Variants in SMAP1 observed in about 807,000 individuals in gnomAD.
The protein encoded by SMAP1 is stromal membrane-associated protein 1.
A neutral mutation model predicts 58.5 loss-of-function variants in SMAP1; 24 were observed. The observed-to-expected ratio is 0.41, with a 90% CI of 0.30 to 0.58. SMAP1 has a LOEUF of 0.58. Among genes scored for constraint, SMAP1 ranks in the 20% least tolerant of loss-of-function variants. SMAP1 has a pLI of 0.29. For synonymous variants in SMAP1, 216 were observed against 196.6 expected (o/e 1.10, Z -0.82); for missense variants, 563 against 566.3 (o/e 0.99, Z 0.06).
At chr6:70,792,706 A>G (rs1768418238) in intron 5 of SMAP1, among the ~76,000 whole-genome samples, 2 of 152,110 alleles carry the variant, frequency 1.3e-5, no homozygotes, top group Non-Finnish European at 2.9e-5. Context: ...GGGAGTTGCA[A>G]GTAGAATGGC....
chr6:70,676,659 T>C (rs988863096), intron 1 of SMAP1, among the ~76,000 whole-genome samples: 1 of 152,252 alleles, frequency 6.6e-6, no homozygotes, highest in African/African-American at 2.4e-5. Flanking sequence ...TGTGTTCAAA[T>C]GTGGACAATA....
chr6:70,818,122 A>T (rs1274464360), intron 6 of SMAP1, among the ~76,000 whole-genome samples: 1 of 152,004 alleles, frequency 6.6e-6, no homozygotes, highest in African/African-American at 2.4e-5. Flanking sequence ...GGAGTGTATC[A>T]AATCTTCTTT....
intron 1 of SMAP1, chr6:70,694,650 TG>T (rs1562097593): frequency 6.6e-6 from 1 of 152,524 alleles, no homozygotes; most frequent in Non-Finnish European, 1.5e-5. Context: ...TGACAGCAAT[TG>T]CAGAAGAATC....
At chr6:70,780,313 T>C (rs1767710789) in intron 4 of SMAP1, among the ~76,000 whole-genome samples, 1 of 152,176 alleles carries the variant, frequency 6.6e-6, no homozygotes, top group South Asian at 2.1e-4. Flanking sequence ...TGGTGGCTCA[T>C]GTCTGTCATC....
chr6:70,861,532 T>C lies in SMAP1; in HGVS notation c.*1198T>C. On this transcript the variant is annotated 3_prime_UTR_variant, in exon 11 of 11. Transcript: ENST00000370455. Reference sequence around the variant, plus strand: ...CAAGCTCCATTTAAACAGATGTCCATCAGATGACAAGAAAGGCTGCTGTAC... The same window carrying C: ...CAAGCTCCATTTAAACAGATGTCCACCAGATGACAAGAAAGGCTGCTGTAC... The C allele has an allele frequency of 1.4e-6, 1 of 730,984 alleles. No homozygotes were observed. Among genetic ancestry groups the C allele is most frequent in the East Asian group, 2.6e-5 (1 of 37,936 alleles). 45.3% of individuals were successfully genotyped at this position (730,984 alleles called of 1,614,324 possible).
chr6:70,860,105 C>T, intron 10 of SMAP1, 95 bp from the exon 11 acceptor site: 1 of 1,391,740 alleles, frequency 7.2e-7, no homozygotes, highest in Non-Finnish European at 9.6e-7. Context: ...GACTAGTTGT[C>T]ACATTAATGA....
At chr6:70,828,418 A>G (rs1315012328) in intron 6 of SMAP1, among the ~76,000 whole-genome samples, 1 of 152,168 alleles carries the variant, frequency 6.6e-6, no homozygotes, top group African/African-American at 2.4e-5. Flanking sequence ...TAGAAAATGT[A>G]TCTCAGATAA....
chr6:70,696,101 T>G (rs1767391617), intron 1 of SMAP1, among the ~76,000 whole-genome samples: 1 of 152,212 alleles, frequency 6.6e-6, no homozygotes, highest in Admixed American at 6.5e-5. Flanking sequence ...GGTTTGAATT[T>G]CTGCAGTATT....
intron 1 of SMAP1, among the ~76,000 whole-genome samples, chr6:70,713,452 C>T (rs1225528329): frequency 1.3e-5 from 2 of 151,900 alleles, no homozygotes; most frequent in East Asian, 1.9e-4. Context: ...TTGGTTTGTT[C>T]TCTTTTTGTT....
At chr6:70,749,953 G>T (rs573103347) in intron 2 of SMAP1, among the ~76,000 whole-genome samples, 111 of 152,270 alleles carry the variant, frequency 7.3e-4, no homozygotes, top group African/African-American at 2.7e-3. Context: ...CCAAGATTTT[G>T]GAAGATTAAA....
chr6:70,697,939 C>T (rs1019289461), intron 1 of SMAP1, among the ~76,000 whole-genome samples: 1 of 152,168 alleles, frequency 6.6e-6, no homozygotes, highest in African/African-American at 2.4e-5. Context: ...ACAGTTTATA[C>T]ACCACAATTA....
At chr6:70,770,822 G>T (rs1380375226) in intron 3 of SMAP1, among the ~76,000 whole-genome samples, 3 of 152,192 alleles carry the variant, frequency 2.0e-5, no homozygotes, top group Admixed American at 2.0e-4. Context: ...GACGAGAGGT[G>T]CTCTGCTTTT....
chr6:70,860,268 C>T lies in SMAP1; in HGVS notation c.1338C>T (p.Ser446=). 1.2e-6 allele frequency: 2 copies of T among 1,613,776 alleles called. No homozygotes were observed. The highest frequency in any genetic ancestry group is 8.5e-7 in the Non-Finnish European group (1 of 1,179,868). The part of the protein sequence containing the change: ...ATPTAGFGQP[S]STTAGWSGSS... ...CTACTGCAGGTTTTGGCCAGCCCTC[C>T]AGCACAACAGCAGGATGGTCTGGAA... Residue 446 remains serine (S), a synonymous_variant, in exon 11 of 11, where the codon TCC becomes TCT. Transcript: ENST00000370455.
intron 1 of SMAP1, among the ~76,000 whole-genome samples, chr6:70,718,004 C>A (rs1022759260): frequency 3.9e-5 from 6 of 152,090 alleles, no homozygotes; most frequent in African/African-American, 1.4e-4. Context: ...GTTATAGAAG[C>A]AATGACTAAA....
intron 3 of SMAP1, among the ~76,000 whole-genome samples, chr6:70,755,375 C>T (rs1253499137): frequency 2.6e-5 from 4 of 152,054 alleles, no homozygotes; most frequent in East Asian, 1.9e-4. Context: ...AAGCAGTATG[C>T]GTTTGGTAGA....
intron 2 of SMAP1, among the ~76,000 whole-genome samples, chr6:70,738,512 A>G (rs918564127): frequency 1.3e-5 from 2 of 151,248 alleles, no homozygotes; most frequent in South Asian, 2.1e-4. Flanking sequence ...AGTTATTCCT[A>G]GAAAAACCTA....
chr6:70,854,301 G>A (rs1186325660), intron 8 of SMAP1, among the ~76,000 whole-genome samples: 4 of 152,128 alleles, frequency 2.6e-5, no homozygotes, highest in Admixed American at 6.5e-5. Flanking sequence ...AGTATCTTTC[G>A]TCTAAACTTC....
At chr6:70,682,345 C>T (rs1244126314) in intron 1 of SMAP1, among the ~76,000 whole-genome samples, 3 of 151,746 alleles carry the variant, frequency 2.0e-5, no homozygotes, top group South Asian at 2.1e-4. Flanking sequence ...CCCACCACCA[C>T]GCCCAGCTAA....
chr6:70,696,836 G>T (rs947817546), intron 1 of SMAP1, among the ~76,000 whole-genome samples: 1 of 152,150 alleles, frequency 6.6e-6, no homozygotes, highest in Non-Finnish European at 1.5e-5. Flanking sequence ...TGAAAGTGGG[G>T]TGTTGAAATC....
Sources: allele counts gnomAD v4.1 joint callset (sites outside exome capture counted in the v4.1 genomes callset), GRCh38; gene constraint gnomAD v4.1.1; transcripts MANE v1.5; gene names NCBI Gene and HGNC (gene_info 2026-07-23, HGNC 2026-07-21).